Variants in BLM observed in about 807,000 individuals in gnomAD.
The protein encoded by BLM is BLM RecQ like helicase.
BLM carries 95 observed loss-of-function variants against 135.3 expected under a neutral mutation model. The observed-to-expected ratio is 0.70, with a 90% confidence interval of 0.59 to 0.83. The LOEUF (loss-of-function observed/expected upper bound fraction) is 0.83, where lower values mean the gene tolerates loss of function less well. Ranked by LOEUF, BLM falls within the 40% of genes least tolerant of loss-of-function variation. BLM has a pLI of 0.00. For synonymous variants in BLM, 520 were observed against 589.2 expected, an observed-to-expected ratio of 0.88 and a Z score of 1.70; for missense variants, 1,518 against 1,663.9, an observed-to-expected ratio of 0.91 and a Z score of 1.53.
At chr15:90,809,076 T>C in intron 19 of BLM, 61 bp from the exon 20 acceptor site, 1 of 1,605,394 alleles carries the variant, frequency 6.2e-7, no homozygotes, top group Non-Finnish European at 8.5e-7. Flanking sequence ...TGAATGAGCC[T>C]GAATTCAGTG....
chr15:90,795,655 C>T (rs1441152569), intron 16 of BLM, among the ~76,000 whole-genome samples: 1 of 152,144 alleles, frequency 6.6e-6, no homozygotes, highest in East Asian at 1.9e-4. Context: ...ATTTGTTGGG[C>T]TGTGTAACAG....
intron 1 of BLM, among the ~76,000 whole-genome samples, chr15:90,730,760 A>G (rs1895047315): frequency 1.3e-5 from 2 of 152,086 alleles, no homozygotes; most frequent in Admixed American, 6.5e-5. Context: ...AAGAGTTTTC[A>G]TTATGAATGG....
intron 13 of BLM, among the ~76,000 whole-genome samples, 165 bp downstream of exon 13, chr15:90,783,093 T>C (rs1896658758): frequency 6.6e-6 from 1 of 152,258 alleles, no homozygotes; most frequent in Admixed American, 6.5e-5. Context: ...CTGGAAATTA[T>C]AAAATCTCAT....
chr15:90,749,413 G>A lies in BLM; in HGVS notation c.145G>A (p.Val49Ile), dbSNP rs558379347. 1 of 1,609,434 alleles carries A rather than the reference G, an allele frequency of 6.2e-7. No individual in the cohort carries two copies. The highest frequency in any genetic ancestry group is 2.2e-5 in the East Asian group (1 of 44,856). The change falls in exon 3 of 22, where the codon GTA becomes ATA. Residue 49 changes from valine (V) to isoleucine (I), a missense_variant. Physicochemically the swap from Val to Ile is conservative, Grantham distance 29. Coordinates refer to ENST00000355112, the MANE Select transcript of BLM (RefSeq NM_000057.4). ...AACATCTTCAGATAACAATGTATCT[G>A]TAACTAATGTGTCAGTAGCAAAAAC... ...KKTSSDNNVS[V>I]TNVSVAKTPV...
intron 15 of BLM, among the ~76,000 whole-genome samples, chr15:90,793,131 TTA>T (rs1246141241): frequency 6.6e-6 from 1 of 151,470 alleles, no homozygotes; most frequent in Non-Finnish European, 1.5e-5. Flanking sequence ...TTTTTAAAAA[TTA>T]TTTTCTTTTT....
chr15:90,753,235 GACCC>G (rs1328888139), intron 4 of BLM, among the ~76,000 whole-genome samples: 1 of 151,990 alleles, frequency 6.6e-6, no homozygotes. Flanking sequence ...AACATAGCGA[GACCC>G]TCATCTCTAA....
At chr15:90,743,781 C>G (rs574475826) in intron 1 of BLM, among the ~76,000 whole-genome samples, 1 of 152,276 alleles carries the variant, frequency 6.6e-6, no homozygotes, top group South Asian at 2.1e-4. Context: ...TTAGTACTCA[C>G]CAACTTCCTG....
intron 12 of BLM, among the ~76,000 whole-genome samples, chr15:90,769,819 C>T (rs796130617): frequency 1.1e-4 from 17 of 152,162 alleles, no homozygotes; most frequent in African/African-American, 4.1e-4. Context: ...AACCAGAGTC[C>T]TAGGGCTTTT....
intron 1 of BLM, among the ~76,000 whole-genome samples, chr15:90,744,098 A>T (rs558995394): frequency 3.9e-5 from 6 of 152,320 alleles, no homozygotes; most frequent in African/African-American, 1.4e-4. Flanking sequence ...GCTAGTTTTG[A>T]TCCAAAAATA....
At chr15:90,741,843 T>G (rs1567031501) in intron 1 of BLM, among the ~76,000 whole-genome samples, 1 of 152,314 alleles carries the variant, frequency 6.6e-6, no homozygotes, top group East Asian at 1.9e-4. Context: ...AGAACAATAT[T>G]GTTTTTGCTG....
intron 4 of BLM, among the ~76,000 whole-genome samples, chr15:90,752,773 C>G (rs921966009): frequency 6.6e-6 from 1 of 152,214 alleles, no homozygotes; most frequent in Non-Finnish European, 1.5e-5. Flanking sequence ...TCATCCCAGT[C>G]TCACTCTCAG....
At chr15:90,801,438 C>G (rs904025134) in intron 17 of BLM, among the ~76,000 whole-genome samples, 34 of 86,112 alleles carry the variant, frequency 3.9e-4, no homozygotes, top group African/African-American at 1.3e-3. Flanking sequence ...GTACTAATGA[C>G]ATCTCACATG....
chr15:90,790,000 T>TTTTTTTTTG (rs1896862013), intron 14 of BLM, among the ~76,000 whole-genome samples: 1 of 98,652 alleles, frequency 1.0e-5, no homozygotes, highest in African/African-American at 5.2e-5. Context: ...TTTTTTTTTT[T>TTTTTTTTTG]TTTTTTTTTT....
At chr15:90,773,535 T>C (rs1020797391) in intron 12 of BLM, among the ~76,000 whole-genome samples, 1 of 99,184 alleles carries the variant, frequency 1.0e-5, no homozygotes, top group African/African-American at 4.3e-5. Context: ...TTTTTTTTTT[T>C]AGTTTATAAG....
chr15:90,744,982 C>T (rs904292423), intron 1 of BLM, among the ~76,000 whole-genome samples: 3 of 151,740 alleles, frequency 2.0e-5, no homozygotes, highest in Non-Finnish European at 2.9e-5. Context: ...GCTGGGGAGG[C>T]GGAGGCTGCA....
chr15:90,773,352 G>A (rs1279603329), intron 12 of BLM, among the ~76,000 whole-genome samples: 5 of 151,956 alleles, frequency 3.3e-5, no homozygotes, highest in South Asian at 2.1e-4. Context: ...CCTGGGAGGC[G>A]GAGGTTGCAG....
rs189972132 is a variant in BLM at position 90,745,146 on chromosome 15, G to A, written c.-4-2243G>A. On this transcript the variant is annotated intron_variant, in intron 1 of 21. Transcript: ENST00000355112. Reference sequence around the variant, plus strand: ...GGTATGCCTGGAACATCTTTTGAGAGGAAAGAAGCTCTCAATGACTCATAA... The same window carrying A: ...GGTATGCCTGGAACATCTTTTGAGAAGAAAGAAGCTCTCAATGACTCATAA... Among the ~76,000 whole-genome samples, 3 of 152,232 alleles carry A rather than the reference G, an allele frequency of 2.0e-5. No individual in the cohort carries two copies. The East Asian group carries it at 5.8e-4, about 29-fold the overall frequency.
chr15:90,730,045 A>G lies in BLM; in HGVS notation c.-5+12605A>G, dbSNP rs1266744548. Reference sequence around the variant, plus strand: ...CTTATTTTTTATTTTTAGTAGAGACAGGGTTTCACTATGTTGGCCAGGCTG... The same window carrying G: ...CTTATTTTTTATTTTTAGTAGAGACGGGGTTTCACTATGTTGGCCAGGCTG... On this transcript the variant is annotated intron_variant, in intron 1 of 21. Transcript: ENST00000355112. 5.9e-5 allele frequency among the ~76,000 whole-genome samples: 9 copies of G among 151,872 alleles called. 1 individual carries two copies. In the East Asian group the frequency reaches 7.7e-4, roughly 13 times the overall value.
chr15:90,743,778 T>G (rs1323987450), intron 1 of BLM, among the ~76,000 whole-genome samples: 1 of 152,222 alleles, frequency 6.6e-6, no homozygotes, highest in Non-Finnish European at 1.5e-5. Context: ...TTCTTAGTAC[T>G]CACCAACTTC....
Sources: gnomAD v4.1 joint callset for allele counts (sites outside exome capture counted in the v4.1 genomes callset) on GRCh38, gnomAD v4.1.1 for gene constraint, MANE v1.5 for transcripts, NCBI Gene and HGNC (gene_info 2026-07-23, HGNC 2026-07-21) for gene names.